ZNF487: variants seen among roughly 807,000 people sequenced by gnomAD.
ZNF487 encodes zinc finger protein 487.
In ZNF487, 4 loss-of-function variants were observed where a neutral mutation model predicts 3.0. The observed-to-expected ratio is 1.35, with a 90% confidence interval of 0.66 to 3.08. The LOEUF is 3.08. ZNF487 is among the 30% of genes most tolerant of loss of function. The pLI, the probability that ZNF487 is intolerant of heterozygous loss-of-function variation, is 0.01. For missense variants in ZNF487, 146 were observed against 98.7 expected (o/e 1.48, Z -2.03); for synonymous variants, 55 against 34.6 (o/e 1.59, Z -2.06).
chr10:43,495,994 G>T, the ZNF487 span: 2 of 527,088 alleles, frequency 3.8e-6, no homozygotes, highest in South Asian at 2.8e-5. Context: ...ACTGTAAAAT[G>T]AACACAGATG....
At chr10:43,491,372 G>C in the ZNF487 span, among the ~76,000 whole-genome samples, 2 of 151,522 alleles carry the variant, frequency 1.3e-5, no homozygotes, top group Non-Finnish European at 2.9e-5. Flanking sequence ...TGTTCTCCAG[G>C]TACCTGTGTG....
chr10:43,505,091 T>C, the ZNF487 span, among the ~76,000 whole-genome samples: 2 of 152,112 alleles, frequency 1.3e-5, no homozygotes, highest in South Asian at 2.1e-4. Flanking sequence ...ACAGTCACAG[T>C]GCACTGAGAC....
intron 1 of ZNF487, among the ~76,000 whole-genome samples, chr10:43,451,048 A>G (rs1839990050): frequency 6.6e-6 from 1 of 151,422 alleles, no homozygotes; most frequent in Non-Finnish European, 1.5e-5. Context: ...CCCAGGTTCA[A>G]GGATTCTCCT....
rs1564431210 is a variant in ZNF487, at chr10:43,482,801, T to C, written c.*879T>C. On this transcript the variant is annotated 3_prime_UTR_variant, in exon 4 of 4. Transcript: ENST00000437590. Reference sequence around the variant, plus strand: ...CTGTGAAGTCAAAACTTAGAGAACATCAGAGAATTCACACAGGGGAGAAAC... The same window carrying C: ...CTGTGAAGTCAAAACTTAGAGAACACCAGAGAATTCACACAGGGGAGAAAC... The C allele has an allele frequency of 9.8e-6, 5 of 508,762 alleles. No homozygotes were observed. The highest frequency in any genetic ancestry group is 3.9e-5 in the African/African-American group (2 of 50,774). 31.5% of individuals were successfully genotyped at this position (508,762 alleles called of 1,614,324 possible).
intron 1 of ZNF487, among the ~76,000 whole-genome samples, chr10:43,449,706 G>A (rs1285040356): frequency 2.0e-5 from 3 of 148,482 alleles, no homozygotes; most frequent in African/African-American, 7.5e-5. Flanking sequence ...ATGAGACTGA[G>A]TCTCACTCTG....
At chr10:43,505,546 G>C in the ZNF487 span, among the ~76,000 whole-genome samples, 1 of 152,154 alleles carries the variant, frequency 6.6e-6, no homozygotes, top group African/African-American at 2.4e-5. Context: ...GCCTCCCAAA[G>C]TGCTGAGATT....
the ZNF487 span, among the ~76,000 whole-genome samples, chr10:43,499,925 C>T: frequency 6.6e-6 from 1 of 152,020 alleles, no homozygotes; most frequent in Non-Finnish European, 1.5e-5. Context: ...ACTCTGTCGC[C>T]CATGCTGGAG....
chr10:43,485,154 A>G (rs1841461615), downstream of ZNF487, among the ~76,000 whole-genome samples: 1 of 152,240 alleles, frequency 6.6e-6, no homozygotes, highest in Admixed American at 6.5e-5. Flanking sequence ...AGATCAGTAG[A>G]AAATGAACAG....
At chr10:43,449,241 G>T (rs1366949696) in intron 1 of ZNF487, among the ~76,000 whole-genome samples, 1 of 152,114 alleles carries the variant, frequency 6.6e-6, no homozygotes, top group African/African-American at 2.4e-5. Flanking sequence ...GAAGGTTGCA[G>T]TGAGCCAAGA....
chr10:43,501,857 T>C, the ZNF487 span, among the ~76,000 whole-genome samples: 7 of 151,924 alleles, frequency 4.6e-5, no homozygotes, highest in Middle Eastern at 3.4e-3. Flanking sequence ...GCAGTAACCA[T>C]TTACAATAGC....
intron 1 of ZNF487, among the ~76,000 whole-genome samples, chr10:43,457,442 C>T (rs1410078596): frequency 6.6e-6 from 1 of 150,766 alleles, no homozygotes; most frequent in Admixed American, 6.6e-5. Context: ...GTAATCCCAG[C>T]TACTCCAGAG....
chr10:43,455,784 A>G (rs1840176577), intron 1 of ZNF487, among the ~76,000 whole-genome samples: 2 of 152,218 alleles, frequency 1.3e-5, no homozygotes, highest in African/African-American at 4.8e-5. Flanking sequence ...GGCGCGTAGG[A>G]GACAGCGCGC....
At chr10:43,504,044 G>A in the ZNF487 span, among the ~76,000 whole-genome samples, 1 of 152,144 alleles carries the variant, frequency 6.6e-6, no homozygotes, top group Admixed American at 6.5e-5. Context: ...GGAGCAATAG[G>A]CCGTATCATA....
chr10:43,502,786 T>C, the ZNF487 span, among the ~76,000 whole-genome samples: 1 of 152,128 alleles, frequency 6.6e-6, no homozygotes, highest in African/African-American at 2.4e-5. Flanking sequence ...ATACCAGCAC[T>C]TTGCGGGGCC....
Position 43,444,906 on chromosome 10 carries a change from T to A in ZNF487, c.-94+7644T>A, listed in dbSNP as rs547791754. ...GGTTTTTATTGTAAGGGTAGAAAGA[T>A]TTAGGCCATCATCTCTTTGAATATT... On this transcript the variant is annotated intron_variant, in intron 1 of 3. Coordinates refer to ENST00000437590, the MANE Select transcript of ZNF487 (RefSeq NM_001355444.3). Among the ~76,000 whole-genome samples the A allele has an allele frequency of 7.9e-5, 12 of 152,180 alleles. No individual in the cohort carries two copies. The South Asian group carries it at 8.3e-4, about 11-fold the overall frequency.
At chr10:43,514,327 G>C in the ZNF487 span, among the ~76,000 whole-genome samples, 1 of 152,134 alleles carries the variant, frequency 6.6e-6, no homozygotes, top group Non-Finnish European at 1.5e-5. Context: ...TTTTAGTACA[G>C]ATGGGGTTTC....
chr10:43,451,916 G>C (rs1840024775), intron 1 of ZNF487: 1 of 152,234 alleles, frequency 6.6e-6, no homozygotes, highest in African/African-American at 2.4e-5. Context: ...GTTGATGGTA[G>C]GGTGGAAAAG....
At chr10:43,515,879 A>C in the ZNF487 span, among the ~76,000 whole-genome samples, 1 of 152,012 alleles carries the variant, frequency 6.6e-6, no homozygotes, top group South Asian at 2.1e-4. Context: ...GGTTCAAGTG[A>C]TTCCCCTGCC....
chr10:43,473,045 C>CA (rs375326367), intron 1 of ZNF487, among the ~76,000 whole-genome samples: 39,130 of 78,260 alleles, frequency 0.5, 8,970 homozygotes, highest in African/African-American at 0.72. Flanking sequence ...GACTCTGTCT[C>CA]AAAAAAAAAA....
Sources: gnomAD v4.1 joint callset for allele counts (sites outside exome capture counted in the v4.1 genomes callset) on GRCh38, gnomAD v4.1.1 for gene constraint, MANE v1.5 for transcripts, NCBI Gene and HGNC (gene_info 2026-07-23, HGNC 2026-07-21) for gene names.